C12orf42: variants seen among roughly 807,000 people sequenced by gnomAD.
C12orf42 encodes chromosome 12 open reading frame 42, also known as uncharacterized protein C12orf42.
In C12orf42, 25 loss-of-function variants were observed where a neutral mutation model predicts 21.6. That is an observed-to-expected ratio of 1.16 (90% CI 0.84 to 1.62). The LOEUF is 1.62. C12orf42 is among the 40% of genes most tolerant of loss of function. The pLI is 0.00. For missense variants in C12orf42, 483 were observed against 459.3 expected (o/e 1.05, Z -0.47); for synonymous variants, 174 against 175.0 (o/e 0.99, Z 0.05).
intron 2 of C12orf42, among the ~76,000 whole-genome samples, chr12:103,410,865 A>G (rs2048790962): frequency 6.6e-6 from 1 of 152,186 alleles, no homozygotes. Flanking sequence ...GGGAAGAGAA[A>G]TCAACGGTTA....
intron 2 of C12orf42, among the ~76,000 whole-genome samples, chr12:103,465,289 T>C (rs1339666419): frequency 1.3e-5 from 2 of 152,234 alleles, no homozygotes; most frequent in Non-Finnish European, 2.9e-5. Context: ...CAGTGGTTTG[T>C]ACTTCTCTTT....
At chr12:103,534,092 TA>T in the C12orf42 span, among the ~76,000 whole-genome samples, 1 of 152,234 alleles carries the variant, frequency 6.6e-6, no homozygotes. Flanking sequence ...TCAACAAAAA[TA>T]GATTAAGGAC....
chr12:103,287,721 CA>C (rs376221969), intron 4 of C12orf42, among the ~76,000 whole-genome samples: 24 of 144,782 alleles, frequency 1.7e-4, no homozygotes, highest in Non-Finnish European at 2.1e-4. Flanking sequence ...AAAAAAAAAA[CA>C]AAAAAAAGTG....
the C12orf42 span, among the ~76,000 whole-genome samples, chr12:103,530,759 G>C: frequency 1.3e-5 from 2 of 152,140 alleles, no homozygotes; most frequent in African/African-American, 4.8e-5. Context: ...CGTTCACCTA[G>C]ACCTAATCGG....
the C12orf42 span, among the ~76,000 whole-genome samples, chr12:103,054,088 T>A: frequency 2.4e-4 from 37 of 152,044 alleles, no homozygotes; most frequent in Admixed American, 3.3e-4. Context: ...CCTTTCCATA[T>A]AAATTTTAGA....
chr12:103,412,222 G>T (rs1267420273), intron 2 of C12orf42, among the ~76,000 whole-genome samples: 1 of 152,190 alleles, frequency 6.6e-6, no homozygotes, highest in South Asian at 2.1e-4. Flanking sequence ...GAACTGAAAT[G>T]AGAAATATAT....
intron 4 of C12orf42, among the ~76,000 whole-genome samples, chr12:103,337,366 G>A (rs2041786094): frequency 6.6e-6 from 1 of 151,824 alleles, no homozygotes; most frequent in South Asian, 2.1e-4. Context: ...TTGTTTGTTT[G>A]TTTTTGATGG....
chr12:103,319,808 C>T (rs1184747231), intron 4 of C12orf42, among the ~76,000 whole-genome samples: 2 of 152,192 alleles, frequency 1.3e-5, no homozygotes, highest in Non-Finnish European at 2.9e-5. Context: ...TTTTCTCCTT[C>T]GCACAGCAGT....
chr12:103,219,484 T>C, the C12orf42 span, among the ~76,000 whole-genome samples: 1 of 152,022 alleles, frequency 6.6e-6, no homozygotes, highest in African/African-American at 2.4e-5. Flanking sequence ...ACCTACAGAA[T>C]GGGAGAAAAT....
chr12:103,295,348 A>G (rs962708594), intron 4 of C12orf42, among the ~76,000 whole-genome samples: 1 of 152,092 alleles, frequency 6.6e-6, no homozygotes, highest in African/African-American at 2.4e-5. Flanking sequence ...GTGTACCCCA[A>G]TCTGAACTTT....
the C12orf42 span, among the ~76,000 whole-genome samples, chr12:103,226,446 A>G: frequency 1.3e-5 from 2 of 152,220 alleles, no homozygotes; most frequent in African/African-American, 4.8e-5. Context: ...AAAGCATCTC[A>G]GGTTGCTGCC....
At chr12:103,529,445 G>T in the C12orf42 span, among the ~76,000 whole-genome samples, 1 of 152,204 alleles carries the variant, frequency 6.6e-6, no homozygotes, top group Non-Finnish European at 1.5e-5. Context: ...TGTGGTTAAT[G>T]AACTATTTCA....
At chr12:103,187,918 T>C in the C12orf42 span, among the ~76,000 whole-genome samples, 3 of 152,226 alleles carry the variant, frequency 2.0e-5, no homozygotes, top group African/African-American at 7.2e-5. Context: ...CAAAACTACA[T>C]ACAATTATAC....
chr12:103,325,221 G>T (rs954479820), intron 4 of C12orf42, among the ~76,000 whole-genome samples: 1 of 152,212 alleles, frequency 6.6e-6, no homozygotes, highest in African/African-American at 2.4e-5. Context: ...GTGTTGGCAG[G>T]CAGGCCTTAT....
chr12:103,540,915 T>G, the C12orf42 span, among the ~76,000 whole-genome samples: 1 of 152,206 alleles, frequency 6.6e-6, no homozygotes, highest in Non-Finnish European at 1.5e-5. Flanking sequence ...TTCTTTCTTT[T>G]TTTTTAAAGA....
intron 5 of C12orf42, chr12:103,270,418 A>G (rs994907132): frequency 6.6e-6 from 1 of 151,988 alleles, no homozygotes; most frequent in African/African-American, 2.4e-5. Context: ...ACACACTTCA[A>G]TAAAACTGTG....
At position 103,453,013 on chromosome 12, in the gene C12orf42, C is replaced by T. The variant is rs960997604; in HGVS notation, c.78+25336G>A. On this transcript the variant is annotated intron_variant, in intron 2 of 5. Transcript: ENST00000548883. ...CATGTCGTGCACATGTACCCTAGAA[C>T]TTATAGTATATCAAAAAAAAAAAGA... Among the ~76,000 whole-genome samples the T allele has an allele frequency of 3.8e-5, 5 of 132,988 alleles. No individual in the cohort carries two copies. In the East Asian group the frequency reaches 1.1e-3, roughly 29 times the overall value. 87.2% of individuals were successfully genotyped at this position (132,988 alleles called of 152,430 possible).
intron 2 of C12orf42, among the ~76,000 whole-genome samples, chr12:103,427,498 AAGG>A (rs1265423031): frequency 1.3e-5 from 2 of 152,192 alleles, no homozygotes; most frequent in Non-Finnish European, 2.9e-5. Context: ...AGAGACCTAC[AAGG>A]AGATTTGACT....
chr12:103,234,630 CTA>C (rs2033413359), downstream of C12orf42, among the ~76,000 whole-genome samples: 1 of 152,128 alleles, frequency 6.6e-6, no homozygotes, highest in African/African-American at 2.4e-5. Flanking sequence ...CCAAAAATCA[CTA>C]ATACATTGGA....
Sources: gnomAD v4.1 joint callset for allele counts (sites outside exome capture counted in the v4.1 genomes callset) on GRCh38, gnomAD v4.1.1 for gene constraint, MANE v1.5 for transcripts, NCBI Gene and HGNC (gene_info 2026-07-23, HGNC 2026-07-21) for gene names.